RPL39L: variants seen among roughly 807,000 people sequenced by gnomAD.
RPL39L encodes the protein ribosomal protein eL39-like 2.
For missense variants in RPL39L, 48 were observed against 58.9 expected, an observed-to-expected ratio of 0.81 and a Z score of 0.61; for synonymous variants, 16 against 20.1, an observed-to-expected ratio of 0.80 and a Z score of 0.55.
chr3:187,129,963 T>G (rs1720460067), intron 1 of RPL39L, among the ~76,000 whole-genome samples: 1 of 152,106 alleles, frequency 6.6e-6, no homozygotes, highest in African/African-American at 2.4e-5. Context: ...GAGAGGACAT[T>G]AGTGATTTCC....
At chr3:187,133,926 T>C (rs932103685) in intron 1 of RPL39L, among the ~76,000 whole-genome samples, 1 of 152,096 alleles carries the variant, frequency 6.6e-6, no homozygotes, top group African/African-American at 2.4e-5. Flanking sequence ...ATGCTTATTT[T>C]GGGGCATAGA....
chr3:187,131,826 A>G (rs999138860), intron 1 of RPL39L, among the ~76,000 whole-genome samples: 3 of 152,210 alleles, frequency 2.0e-5, no homozygotes, highest in Non-Finnish European at 4.4e-5. Context: ...TTTTATATCT[A>G]CAGCTGTATA....
chr3:187,130,683 C>G (rs1476505061), intron 1 of RPL39L, among the ~76,000 whole-genome samples: 1 of 152,170 alleles, frequency 6.6e-6, no homozygotes, highest in Non-Finnish European at 1.5e-5. Flanking sequence ...TATAAATTAC[C>G]CAGTCTCAGA....
intron 2 of RPL39L, among the ~76,000 whole-genome samples, chr3:187,124,836 T>C (rs897513450): frequency 2.6e-5 from 4 of 152,220 alleles, no homozygotes; most frequent in African/African-American, 9.6e-5. Flanking sequence ...AATTAGGCCA[T>C]TAAATTAGAC....
chr3:187,133,286 T>C (rs1613579), intron 1 of RPL39L, among the ~76,000 whole-genome samples: 15,135 of 152,124 alleles, frequency 0.099, 916 homozygotes, highest in East Asian at 0.18. Flanking sequence ...TAGGAGGTGA[T>C]TGGATCATGT....
rs80029266 is a variant in RPL39L, at chr3:187,136,302, A to G, written c.-93+2911T>C. 9.9e-4 allele frequency among the ~76,000 whole-genome samples: 151 copies of G among 152,354 alleles called. 3 individuals are homozygous for G. In the East Asian group the frequency reaches 0.028, roughly 28 times the overall value. On this transcript the variant is annotated intron_variant, in intron 1 of 2. Transcript: ENST00000296277. Reference sequence around the variant, plus strand: ...AGGATGCTGCAGTGCCAGAGTTTGTAACAATATAATTAGGAGTGAAGGTTG... The same window carrying G: ...AGGATGCTGCAGTGCCAGAGTTTGTGACAATATAATTAGGAGTGAAGGTTG...
At chr3:187,124,190 C>T (rs1229642702) in intron 2 of RPL39L, among the ~76,000 whole-genome samples, 1 of 152,140 alleles carries the variant, frequency 6.6e-6, no homozygotes, top group Non-Finnish European at 1.5e-5. Flanking sequence ...TATTGAATTA[C>T]ATACCTCTGG....
At chr3:187,138,258 GTTTAAAAA>G (rs1476955920) in intron 1 of RPL39L, among the ~76,000 whole-genome samples, 1 of 152,130 alleles carries the variant, frequency 6.6e-6, no homozygotes. Flanking sequence ...GCGGGTGCTG[GTTTAAAAA>G]TTAAGAATTT....
intron 1 of RPL39L, among the ~76,000 whole-genome samples, chr3:187,134,634 A>G (rs1224280514): frequency 6.6e-6 from 1 of 152,224 alleles, no homozygotes; most frequent in East Asian, 1.9e-4. Context: ...AAGTCTTGTA[A>G]GGAAATGGAC....
intron 2 of RPL39L, among the ~76,000 whole-genome samples, chr3:187,126,327 A>G (rs578034474): frequency 6.6e-6 from 1 of 151,726 alleles, no homozygotes; most frequent in Non-Finnish European, 1.5e-5. Context: ...ACACCCGGCT[A>G]ATTTTTTTAT....
At chr3:187,133,979 G>C (rs911639374) in intron 1 of RPL39L, among the ~76,000 whole-genome samples, 2 of 151,648 alleles carry the variant, frequency 1.3e-5, no homozygotes, top group African/African-American at 4.8e-5. Context: ...CTTGGCATTT[G>C]ATAAAATATT....
intron 1 of RPL39L, among the ~76,000 whole-genome samples, chr3:187,132,302 C>T (rs1720499391): frequency 6.6e-6 from 1 of 152,184 alleles, no homozygotes. Flanking sequence ...AGCCATCTTC[C>T]TTTGACAAGA....
chr3:187,125,833 C>T (rs943012579), intron 2 of RPL39L, among the ~76,000 whole-genome samples: 2 of 99,860 alleles, frequency 2.0e-5, no homozygotes, highest in Non-Finnish European at 4.6e-5. Flanking sequence ...CTAGACTGAG[C>T]CCCTAGTGTT....
At chr3:187,138,603 A>C (rs568218976) in intron 1 of RPL39L, among the ~76,000 whole-genome samples, 5 of 152,304 alleles carry the variant, frequency 3.3e-5, no homozygotes, top group African/African-American at 9.6e-5. Context: ...CCACTGATGA[A>C]TCAGTGCCAC....
At chr3:187,122,224 G>A (rs1466395507) in intron 2 of RPL39L, among the ~76,000 whole-genome samples, 3 of 152,110 alleles carry the variant, frequency 2.0e-5, no homozygotes, top group African/African-American at 2.4e-5. Context: ...CATAATTAAC[G>A]AACATCAACC....
At chr3:187,129,243 A>G (rs1220338896) in intron 1 of RPL39L, among the ~76,000 whole-genome samples, 1 of 152,224 alleles carries the variant, frequency 6.6e-6, no homozygotes, top group Admixed American at 6.5e-5. Flanking sequence ...CTGAGCAGGT[A>G]GAACAACGGG....
intron 1 of RPL39L, among the ~76,000 whole-genome samples, chr3:187,138,968 A>C (rs1720636363): frequency 6.6e-6 from 1 of 152,162 alleles, no homozygotes; most frequent in African/African-American, 2.4e-5. Flanking sequence ...CTAAGGCGGG[A>C]GAATCGCTTG....
At chr3:187,135,966 C>T (rs1204486382) in intron 1 of RPL39L, among the ~76,000 whole-genome samples, 2 of 152,236 alleles carry the variant, frequency 1.3e-5, no homozygotes, top group Non-Finnish European at 2.9e-5. Context: ...AACTAACAGA[C>T]TAAGAACTCT....
chr3:187,130,058 T>C (rs1197633911), intron 1 of RPL39L, among the ~76,000 whole-genome samples: 2 of 152,362 alleles, frequency 1.3e-5, no homozygotes, highest in Middle Eastern at 3.4e-3. Flanking sequence ...AAACCCATCA[T>C]AGAACTCTCA....
Sources: allele counts gnomAD v4.1 joint callset (sites outside exome capture counted in the v4.1 genomes callset), GRCh38; gene constraint gnomAD v4.1.1; transcripts MANE v1.5; gene names NCBI Gene and HGNC (gene_info 2026-07-23, HGNC 2026-07-21).